The following FKBP1B variants were observed in gnomAD, a reference collection of about 807,000 sequenced individuals.
FKBP1B encodes the protein peptidyl-prolyl cis-trans isomerase FKBP1B.
Under a neutral mutation model 13.5 loss-of-function variants are expected in FKBP1B, and 4 were observed. The observed-to-expected ratio is 0.30, with a 90% confidence interval of 0.15 to 0.68. The LOEUF is 0.68. FKBP1B is among the 30% of genes least tolerant of loss of function. The probability of loss-of-function intolerance (pLI) is 0.76; values close to 1 mark genes in which losing one functional copy is unlikely to be tolerated. For synonymous variants in FKBP1B, 54 were observed against 53.6 expected, an observed-to-expected ratio of 1.01 and a Z score of -0.03; for missense variants, 93 against 136.2, an observed-to-expected ratio of 0.68 and a Z score of 1.58.
At chr2:24,062,140 C>T (rs540898295) in intron 3 of FKBP1B, among the ~76,000 whole-genome samples, 146 of 151,790 alleles carry the variant, frequency 9.6e-4, no homozygotes, top group Non-Finnish European at 1.6e-3. Flanking sequence ...CAAAGTGGTG[C>T]GAGCCACCGT....
At chr2:24,042,535 C>CAAAA in the FKBP1B span, among the ~76,000 whole-genome samples, 3 of 61,564 alleles carry the variant, frequency 4.9e-5, no homozygotes, top group Non-Finnish European at 8.9e-5. Context: ...TACTCCGTCT[C>CAAAA]AAAAAAAAAA....
the FKBP1B span, among the ~76,000 whole-genome samples, chr2:24,043,263 G>T: frequency 6.6e-6 from 1 of 152,180 alleles, no homozygotes; most frequent in African/African-American, 2.4e-5. Context: ...TTGAACCTGG[G>T]AGGCAGATGT....
In FKBP1B at chr2:24,050,423, T is replaced by C. The variant is rs1053872957; in HGVS notation, c.37+537T>C. Among the ~76,000 whole-genome samples the C allele has an allele frequency of 3.4e-4, 52 of 152,140 alleles. No homozygotes were observed. Among genetic ancestry groups the C allele is most frequent in the Non-Finnish European group, 1.3e-4 (9 of 68,018 alleles). ...AAGCGCTCCCTTGCCCGCTTCCGGA[T>C]CTCGCTTTATCCTGCCGCCGCTTTC... On this transcript the variant is annotated intron_variant, in intron 1 of 3. Coordinates refer to ENST00000380986, the MANE Select transcript of FKBP1B (RefSeq NM_004116.5). The surrounding 1 kb of genome is among the most constrained non-coding windows in gnomAD (Gnocchi z 5.8).
intron 2 of FKBP1B, among the ~76,000 whole-genome samples, chr2:24,059,894 CAAAAAAAA>C (rs10679224): frequency 6.0e-5 from 3 of 49,820 alleles, no homozygotes; most frequent in Non-Finnish European, 1.1e-4. Context: ...GACTCCGACT[CAAAAAAAA>C]AAAAAAAAAA....
the FKBP1B span, chr2:24,038,499 T>C: frequency 6.2e-7 from 1 of 1,614,258 alleles, no homozygotes; most frequent in Non-Finnish European, 8.5e-7. Flanking sequence ...TAGTGACTTT[T>C]CTCGTCATGG....
rs1483259502 is a variant in FKBP1B at position 24,049,905 on chromosome 2, A to G, written c.37+19A>G. The G allele has an allele frequency of 4.2e-5, 58 of 1,395,794 alleles. No individual in the cohort carries two copies. Among genetic ancestry groups the G allele is most frequent in the Non-Finnish European group, 5.1e-5 (55 of 1,073,980 alleles). 86.5% of individuals were successfully genotyped at this position (1,395,794 alleles called of 1,614,324 possible). ...GGAGACGGTACCGGGCTCCCTCCGG[A>G]GCCAGGGGAGGGGAGGGGTCCCGGG... is the stretch of plus-strand genomic sequence containing the variant. On this transcript the variant is annotated intron_variant, in intron 1 of 3. Coordinates refer to ENST00000380986, the MANE Select transcript of FKBP1B (RefSeq NM_004116.5).
the FKBP1B span, chr2:24,033,328 G>A: frequency 1.5e-5 from 5 of 330,144 alleles, no homozygotes; most frequent in South Asian, 2.8e-5. Context: ...AAAAAATGCC[G>A]AGAGAGTGTC....
chr2:24,049,215 G>T (rs1001182352), upstream of FKBP1B, among the ~76,000 whole-genome samples: 3 of 152,062 alleles, frequency 2.0e-5, no homozygotes, highest in African/African-American at 7.2e-5. Context: ...AAAAATAAAA[G>T]ATTAGCTGGG....
the FKBP1B span, chr2:24,037,737 C>A: frequency 1.2e-6 from 2 of 1,614,160 alleles, no homozygotes; most frequent in Non-Finnish European, 1.7e-6. Flanking sequence ...AAGAGGATTT[C>A]TTCCCATTAT....
At chr2:24,043,033 C>CAAAA in the FKBP1B span, among the ~76,000 whole-genome samples, 1 of 135,104 alleles carries the variant, frequency 7.4e-6, no homozygotes, top group Non-Finnish European at 1.6e-5. Flanking sequence ...AACTCCGTCT[C>CAAAA]AAAAAAAAAA....
rs979329529 is a variant in FKBP1B at position 24,061,833 on chromosome 2, C to T, written c.198+907C>T. Among the ~76,000 whole-genome samples the T allele has an allele frequency of 1.1e-4, 16 of 152,212 alleles. 1 individual carries two copies. Among genetic ancestry groups the T allele is most frequent in the South Asian group, 8.3e-4 (4 of 4,822 alleles). On this transcript the variant is annotated intron_variant, in intron 3 of 3. Transcript: ENST00000380986. ...TTCAAGCTGTTCTTTCTTGGTCTGT[C>T]TGTGAAGTCCTATGATGCTCCCTTA... is the stretch of plus-strand genomic sequence containing the variant.
Position 24,056,493 on chromosome 2 carries a change from A to G in FKBP1B, c.85+2544A>G, listed in dbSNP as rs533589799. 3.3e-5 allele frequency among the ~76,000 whole-genome samples: 5 copies of G among 150,808 alleles called. No individual in the cohort carries two copies. The South Asian group carries it at 6.3e-4, about 19-fold the overall frequency. On this transcript the variant is annotated intron_variant, in intron 2 of 3. Coordinates refer to ENST00000380986, the MANE Select transcript of FKBP1B (RefSeq NM_004116.5). ...CAAGTAGCTGGGATTACAGGTGCGC[A>G]CCACCACACCCAGCTAATTTTTGTA...
chr2:24,037,449 G>A, the FKBP1B span, among the ~76,000 whole-genome samples: 51 of 151,996 alleles, frequency 3.4e-4, no homozygotes, highest in Non-Finnish European at 5.1e-4. Context: ...ATTTTTCCAC[G>A]TCATGCACCT....
intron 2 of FKBP1B, 140 bp downstream of exon 2, chr2:24,054,089 C>A: frequency 1.3e-6 from 1 of 778,890 alleles, no homozygotes; most frequent in Non-Finnish European, 2.3e-6. Context: ...ACCAGCCATC[C>A]TCTACTCCTC....
chr2:24,052,605 T>A, intron 1 of FKBP1B, among the ~76,000 whole-genome samples: 1 of 152,210 alleles, frequency 6.6e-6, no homozygotes, highest in East Asian at 1.9e-4. Context: ...TTGTGTGTAT[T>A]TTCTTTAGAG....
upstream of FKBP1B, chr2:24,047,169 G>C (rs931804915): frequency 1.3e-5 from 2 of 151,552 alleles, no homozygotes; most frequent in Non-Finnish European, 2.9e-5. Context: ...CCTCACACGC[G>C]GCCCGCCCCA....
At chr2:24,056,720 C>A (rs1383203545) in intron 2 of FKBP1B, among the ~76,000 whole-genome samples, 1 of 151,892 alleles carries the variant, frequency 6.6e-6, no homozygotes, top group African/African-American at 2.4e-5. Flanking sequence ...GACAGAGTTT[C>A]ACTCTTGTTG....
upstream of FKBP1B, among the ~76,000 whole-genome samples, chr2:24,046,947 G>A (rs548402045): frequency 6.6e-6 from 1 of 152,190 alleles, no homozygotes; most frequent in South Asian, 2.1e-4. Flanking sequence ...TACACTCAGT[G>A]AAGTGACATA....
At chr2:24,038,215 A>G in the FKBP1B span, 2 of 1,614,170 alleles carry the variant, frequency 1.2e-6, no homozygotes, top group South Asian at 2.2e-5. Context: ...TTCTCTAACA[A>G]TCAAGCTAAT....
Sources: allele counts gnomAD v4.1 joint callset (sites outside exome capture counted in the v4.1 genomes callset), GRCh38; gene constraint gnomAD v4.1.1; non-coding constraint Gnocchi (gnomAD v3.1); transcripts MANE v1.5; gene names NCBI Gene and HGNC (gene_info 2026-07-23, HGNC 2026-07-21).